ZFHX4: variants seen among roughly 807,000 people sequenced by gnomAD.
ZFHX4 encodes the protein zinc finger homeobox 4, also known as zinc finger homeobox protein 4.
ZFHX4 carries 56 observed loss-of-function variants against 267.6 expected under a neutral mutation model. That is an observed-to-expected ratio of 0.21 (90% CI 0.17 to 0.26). The LOEUF (loss-of-function observed/expected upper bound fraction) is 0.26. ZFHX4 is among the 10% of genes least tolerant of loss of function. The pLI is 1.00. For missense variants in ZFHX4, 4,332 were observed against 4,420.0 expected, an observed-to-expected ratio of 0.98 and a Z score of 0.56; for synonymous variants, 1,778 against 1,665.6, an observed-to-expected ratio of 1.07 and a Z score of -1.64.
intron 5 of ZFHX4, among the ~76,000 whole-genome samples, chr8:76,835,245 A>ATATATGTATATATATATATATATG (rs1195708125): frequency 2.3e-5 from 3 of 129,132 alleles, no homozygotes; most frequent in Admixed American, 7.6e-5. Flanking sequence ...ATATATGTAT[A>ATATATGTATATATATATATATATG]TATATATATA....
chr8:76,854,727 A>G lies in ZFHX4; in HGVS notation c.7806A>G (p.Gln2602=). The change falls in exon 10 of 11, where the codon CAA becomes CAG. Residue 2602 remains glutamine (Q), a synonymous_variant. Transcript: ENST00000651372. ...EKEGGNSGED[Q]HRDKRLRTTI... is the part of the protein sequence containing the mutation. ...AAGGAGGGAATAGCGGTGAAGACCA[A>G]CACCGAGATAAACGCTTGAGAACCA... is the stretch of plus-strand genomic sequence containing the variant. 6.2e-7 allele frequency: 1 copy of G among 1,612,478 alleles called. No homozygotes were observed. Among genetic ancestry groups the G allele is most frequent in the Non-Finnish European group, 8.5e-7 (1 of 1,179,276 alleles).
In ZFHX4 at chr8:76,785,937, G is replaced by A. The variant is rs995102669; in HGVS notation, c.3325+7498G>A. On this transcript the variant is annotated intron_variant, in intron 4 of 10. Transcript: ENST00000651372. Reference sequence around the variant, plus strand: ...CCAGATTTTGACTCTGAATCTGAACGGGTTCACTAAATATAATAACAAAAG... The same window carrying A: ...CCAGATTTTGACTCTGAATCTGAACAGGTTCACTAAATATAATAACAAAAG... 9.2e-5 allele frequency among the ~76,000 whole-genome samples: 14 copies of A among 152,230 alleles called. No individual in the cohort carries two copies. The East Asian group carries it at 1.5e-3, about 17-fold the overall frequency.
intron 1 of ZFHX4, among the ~76,000 whole-genome samples, chr8:76,695,967 T>C (rs981876113): frequency 1.3e-5 from 2 of 152,212 alleles, no homozygotes; most frequent in Non-Finnish European, 2.9e-5. Context: ...TAATTAACTC[T>C]TATTGCATTG....
chr8:76,856,343 A>G (rs779740240), intron 10 of ZFHX4, 43 bp downstream of exon 10: 1 of 1,603,578 alleles, frequency 6.2e-7, no homozygotes, highest in South Asian at 1.1e-5. Flanking sequence ...ATTAAGTAGC[A>G]TCAGGTAGAC....
chr8:76,865,783 C>G lies in ZFHX4; in HGVS notation c.*1218C>G, dbSNP rs1454664744. ...ACGTAGGACTGAATTCAGTGATATC[C>G]CTATACACTGCCATTTAGTGGATAG... On this transcript the variant is annotated 3_prime_UTR_variant, in exon 11 of 11. Coordinates refer to ENST00000651372, the MANE Select transcript of ZFHX4 (RefSeq NM_024721.5). 6.6e-6 allele frequency: 1 copy of G among 152,402 alleles called. No homozygotes were observed. Among genetic ancestry groups the G allele is most frequent in the East Asian group, 1.9e-4 (1 of 5,184 alleles). The allele number at this position is 152,402 out of a possible 1,614,324, so 9.4% of individuals were successfully genotyped here.
intron 5 of ZFHX4, among the ~76,000 whole-genome samples, chr8:76,839,339 A>G (rs2626352): frequency 0.56 from 85,692 of 151,908 alleles, 25,877 homozygotes; most frequent in African/African-American, 0.79. Flanking sequence ...CAAAAATGCT[A>G]GGGGAAGTTT....
Position 76,863,104 on chromosome 8 carries a change from T to G in ZFHX4, c.9390T>G (p.Pro3130=). ...TGTTGTTGTTTTCAGCTTTAACACC[T>G]CCCGGTGCAGGCATGCTTGGGTTTC... ...GFPQNSNTLT[P]PGAGMLGFPT... Residue 3130 remains proline, a synonymous_variant, in exon 11 of 11, where the codon CCT becomes CCG. Coordinates refer to ENST00000651372, the MANE Select transcript of ZFHX4 (RefSeq NM_024721.5). 2 of 1,515,758 alleles carry G rather than the reference T, an allele frequency of 1.3e-6. No homozygotes were observed. Among genetic ancestry groups the G allele is most frequent in the Non-Finnish European group, 1.8e-6 (2 of 1,131,050 alleles). The allele number at this position is 1,515,758 out of a possible 1,614,324, so 93.9% of individuals were successfully genotyped here.
At chr8:76,838,354 G>A (rs1812146061) in intron 5 of ZFHX4, among the ~76,000 whole-genome samples, 1 of 152,212 alleles carries the variant, frequency 6.6e-6, no homozygotes, top group African/African-American at 2.4e-5. Flanking sequence ...CTGTTCCCAA[G>A]CACTAAGTGT....
intron 10 of ZFHX4, among the ~76,000 whole-genome samples, chr8:76,859,643 T>C (rs1489522325): frequency 6.6e-6 from 1 of 152,162 alleles, no homozygotes; most frequent in African/African-American, 2.4e-5. Flanking sequence ...TTTCCTTAAA[T>C]GGAACTTTAG....
intron 3 of ZFHX4, among the ~76,000 whole-genome samples, chr8:76,717,817 G>A (rs11773996): frequency 1.3e-5 from 2 of 151,946 alleles, no homozygotes; most frequent in African/African-American, 2.4e-5. Context: ...GGCAGGTCTC[G>A]AACTCCTGGG....
Position 76,704,565 on chromosome 8 carries a change from A to G in ZFHX4, c.477A>G (p.Lys159=). ...GQNAQTGANS[K]LFSTAMFLDS... is the part of the protein sequence containing the mutation. ...ATGCACAGACTGGGGCAAATAGCAA[A>G]CTCTTTTCTACAGCGATGTTCCTGG... Residue 159 remains lysine (K), a synonymous_variant, in exon 2 of 11, where the codon AAA becomes AAG. Coordinates refer to ENST00000651372, the MANE Select transcript of ZFHX4 (RefSeq NM_024721.5). 6.2e-7 allele frequency: 1 copy of G among 1,613,702 alleles called. No homozygotes were observed. Among genetic ancestry groups the G allele is most frequent in the Non-Finnish European group, 8.5e-7 (1 of 1,179,806 alleles).
rs1810789280 is a variant in ZFHX4, at chr8:76,789,881, A to G, written c.3325+11442A>G. On this transcript the variant is annotated intron_variant, in intron 4 of 10. Coordinates refer to ENST00000651372, the MANE Select transcript of ZFHX4 (RefSeq NM_024721.5). ...TTTTCAGATATGAATGCACGACAGA[A>G]TCTTCTGAGATTTTACGGTTTGCTC... is the stretch of plus-strand genomic sequence containing the variant. Among the ~76,000 whole-genome samples the G allele has an allele frequency of 2.6e-5, 4 of 152,134 alleles. 1 individual carries two copies. In the South Asian group the frequency reaches 8.3e-4, roughly 31 times the overall value.
At chr8:76,846,598 T>C (rs925546648) in intron 6 of ZFHX4, among the ~76,000 whole-genome samples, 5 of 152,038 alleles carry the variant, frequency 3.3e-5, no homozygotes, top group African/African-American at 1.2e-4. Flanking sequence ...ATATTTTTGA[T>C]GAATATTAAT....
chr8:76,801,154 C>T (rs1811107999), intron 4 of ZFHX4, among the ~76,000 whole-genome samples: 1 of 151,764 alleles, frequency 6.6e-6, no homozygotes, highest in African/African-American at 2.4e-5. Flanking sequence ...AGCCTTCTAA[C>T]TTTTCTTTAA....
chr8:76,853,053 A>G lies in ZFHX4; in HGVS notation c.6132A>G (p.Pro2044=), dbSNP rs780840549. Residue 2044 remains proline (P), a synonymous_variant, in exon 10 of 11, where the codon CCA becomes CCG. Coordinates refer to ENST00000651372, the MANE Select transcript of ZFHX4 (RefSeq NM_024721.5). ...AAGCTCCACCACCCACTCCTCCCCCACCACCACCACCTCCTCCTCCTCCTC... is the reference window on the plus strand; with the variant it reads ...AAGCTCCACCACCCACTCCTCCCCCGCCACCACCACCTCCTCCTCCTCCTC... The part of the protein sequence containing the change: ...PLQAPPPTPP[P]PPPPPPPPPP... The G allele has an allele frequency of 7.8e-5, 34 of 434,788 alleles. No homozygotes were observed. The highest frequency in any genetic ancestry group is 1.3e-4 in the Non-Finnish European group (34 of 257,268). 26.9% of individuals were successfully genotyped at this position (434,788 alleles called of 1,614,324 possible). A position where few individuals can be genotyped will look rare whatever the true frequency, so the allele number is the denominator to read the frequency against.
At chr8:76,699,394 A>G (rs1808042667) in intron 1 of ZFHX4, among the ~76,000 whole-genome samples, 1 of 152,106 alleles carries the variant, frequency 6.6e-6, no homozygotes, top group Non-Finnish European at 1.5e-5. Context: ...CAGTGGAGAA[A>G]AAGTTACACA....
chr8:76,820,684 G>T (rs772934113), intron 4 of ZFHX4, among the ~76,000 whole-genome samples: 1 of 152,146 alleles, frequency 6.6e-6, no homozygotes. Flanking sequence ...CAGTGTGATG[G>T]TATTGCCATA....
In ZFHX4 at chr8:76,778,211, T is replaced by C; in HGVS notation, c.3097T>C (p.Leu1033=). Residue 1033 remains leucine, a synonymous_variant, in exon 4 of 11, where the codon TTG becomes CTG. Coordinates refer to ENST00000651372, the MANE Select transcript of ZFHX4 (RefSeq NM_024721.5). ...ATGAGCCTTCCCTTCCTTTCAGCAC[T>C]TGCAGAAGCAAGAGGGTGCAGTGAA... is the stretch of plus-strand genomic sequence containing the variant. The part of the protein sequence containing the change: ...HEAALKLYKH[L]QKQEGAVNPE... 6.2e-7 allele frequency: 1 copy of C among 1,609,622 alleles called. No individual in the cohort carries two copies.
intron 4 of ZFHX4, among the ~76,000 whole-genome samples, chr8:76,824,815 C>T (rs938669646): frequency 1.3e-5 from 2 of 152,120 alleles, no homozygotes; most frequent in African/African-American, 4.8e-5. Context: ...AGGTGATCCT[C>T]CTGCTTCGGC....
Sources: allele counts gnomAD v4.1 joint callset (sites outside exome capture counted in the v4.1 genomes callset), GRCh38; gene constraint gnomAD v4.1.1; transcripts MANE v1.5; gene names NCBI Gene and HGNC (gene_info 2026-07-23, HGNC 2026-07-21).